Variants in KLHL1 observed in about 807,000 individuals in gnomAD.
KLHL1 encodes kelch-like protein 1.
Under a neutral mutation model 77.7 loss-of-function variants are expected in KLHL1, and 47 were observed. The observed-to-expected ratio is 0.60, with a 90% confidence interval of 0.48 to 0.77. The LOEUF (loss-of-function observed/expected upper bound fraction) is 0.77. KLHL1 is among the 30% of genes least tolerant of loss of function. The pLI is 0.00. For missense variants in KLHL1, 925 were observed against 910.8 expected, an observed-to-expected ratio of 1.02 and a Z score of -0.20; for synonymous variants, 360 against 325.2, an observed-to-expected ratio of 1.11 and a Z score of -1.15.
chr13:70,028,178 T>A (rs1489565129), intron 1 of KLHL1, among the ~76,000 whole-genome samples: 1 of 152,190 alleles, frequency 6.6e-6, no homozygotes, highest in African/African-American at 2.4e-5. Context: ...TCTCTACAAG[T>A]AAAGGATAAA....
Position 69,979,503 on chromosome 13 carries a change from A to G in KLHL1, c.498-3701T>C, listed in dbSNP as rs987472486. ...CATCACATATCCAAACTACTAATTT[A>G]AAAAGGAGACTTTAACATTTTAGCA... On this transcript the variant is annotated intron_variant, in intron 1 of 10. Transcript: ENST00000377844. Among the ~76,000 whole-genome samples, 3 of 152,146 alleles carry G rather than the reference A, an allele frequency of 2.0e-5. No homozygotes were observed. The East Asian group carries it at 5.8e-4, about 29-fold the overall frequency.
At chr13:70,003,725 T>C (rs964888096) in intron 1 of KLHL1, among the ~76,000 whole-genome samples, 2 of 151,804 alleles carry the variant, frequency 1.3e-5, no homozygotes, top group Admixed American at 6.6e-5. Context: ...CATGAAATTT[T>C]GTACTACATA....
At chr13:70,028,934 G>A (rs550866013) in intron 1 of KLHL1, among the ~76,000 whole-genome samples, 20 of 150,362 alleles carry the variant, frequency 1.3e-4, no homozygotes, top group African/African-American at 3.9e-4. Context: ...CTGTGATTGC[G>A]CCACTGCACT....
At chr13:69,897,104 A>C (rs528866435) in intron 4 of KLHL1, among the ~76,000 whole-genome samples, 1 of 152,306 alleles carries the variant, frequency 6.6e-6, no homozygotes, top group Non-Finnish European at 1.5e-5. Flanking sequence ...AGGATACCTG[A>C]TAATTTATTT....
chr13:69,863,609 A>G lies in KLHL1; in HGVS notation c.1227+18674T>C, dbSNP rs1383938952. On this transcript the variant is annotated intron_variant, in intron 5 of 10. Coordinates refer to ENST00000377844, the MANE Select transcript of KLHL1 (RefSeq NM_020866.3). Reference sequence around the variant, plus strand: ...TTTTTGCTCTCCATGATTCTTAAGAATAAATAGTCTTAATACTGTGGAAGC... The same window carrying G: ...TTTTTGCTCTCCATGATTCTTAAGAGTAAATAGTCTTAATACTGTGGAAGC... Among the ~76,000 whole-genome samples, 5 of 152,106 alleles carry G rather than the reference A, an allele frequency of 3.3e-5. No homozygotes were observed. In the South Asian group the frequency reaches 1.0e-3, roughly 31 times the overall value.
intron 1 of KLHL1, among the ~76,000 whole-genome samples, chr13:70,088,659 G>A (rs1008127566): frequency 6.7e-6 from 1 of 150,366 alleles, no homozygotes; most frequent in East Asian, 1.9e-4. Context: ...CTCCAGCCTG[G>A]GGTAACAGAG....
intron 1 of KLHL1, among the ~76,000 whole-genome samples, chr13:70,077,056 A>C (rs299524): frequency 0.71 from 108,165 of 151,700 alleles, 38,767 homozygotes; most frequent in East Asian, 0.89. Context: ...ACCTTGGAAG[A>C]ACATTTGGAA....
At position 69,837,630 on chromosome 13, in the gene KLHL1, G is replaced by GTA. The variant is rs759482336; in HGVS notation, c.1414+1344_1414+1345dup. On this transcript the variant is annotated intron_variant, in intron 6 of 10. Coordinates refer to ENST00000377844, the MANE Select transcript of KLHL1 (RefSeq NM_020866.3). ...TCTCTCTCTCTATATATATGTGTGT[G>GTA]TATATATATATATGTGTATATATAT... Among the ~76,000 whole-genome samples, 126 of 128,698 alleles carry GTA rather than the reference G, an allele frequency of 9.8e-4. 3 individuals carry two copies. The highest frequency in any genetic ancestry group is 1.8e-3 in the South Asian group (8 of 4,506). 84.4% of individuals were successfully genotyped at this position (128,698 alleles called of 152,430 possible).
At chr13:70,079,369 C>T (rs547993092) in intron 1 of KLHL1, among the ~76,000 whole-genome samples, 13 of 152,128 alleles carry the variant, frequency 8.5e-5, no homozygotes, top group Non-Finnish European at 1.8e-4. Context: ...TGTATGCCGA[C>T]GTTTGTAACC....
At chr13:70,024,622 C>A (rs201461851) in intron 1 of KLHL1, among the ~76,000 whole-genome samples, 2,137 of 38,110 alleles carry the variant, frequency 0.056, 62 homozygotes, top group African/African-American at 0.28. Context: ...GAAAAGATTT[C>A]TCTCTCTCTC....
At chr13:70,104,145 G>A (rs1208491015) in intron 1 of KLHL1, among the ~76,000 whole-genome samples, 1 of 152,084 alleles carries the variant, frequency 6.6e-6, no homozygotes, top group Non-Finnish European at 1.5e-5. Flanking sequence ...AAAATATATG[G>A]TTATCTGAAT....
chr13:69,777,789 T>G (rs570084206), intron 7 of KLHL1, among the ~76,000 whole-genome samples: 5 of 152,080 alleles, frequency 3.3e-5, no homozygotes, highest in Non-Finnish European at 7.4e-5. Flanking sequence ...AACTAACTCT[T>G]TATTTAAATT....
chr13:70,089,024 A>C (rs1052888644), intron 1 of KLHL1, among the ~76,000 whole-genome samples: 2 of 152,140 alleles, frequency 1.3e-5, no homozygotes, highest in Non-Finnish European at 2.9e-5. Context: ...CAGGGCAGTA[A>C]TCATGTGAGT....
intron 6 of KLHL1, among the ~76,000 whole-genome samples, chr13:69,832,824 T>A (rs1168966092): frequency 6.6e-6 from 1 of 152,120 alleles, no homozygotes; most frequent in African/African-American, 2.4e-5. Flanking sequence ...CCAACTGATC[T>A]TTGACAAAGG....
In KLHL1 at chr13:69,761,904, A is replaced by G. The variant is rs118192085; in HGVS notation, c.1640-21348T>C. On this transcript the variant is annotated intron_variant, in intron 7 of 10. Transcript: ENST00000377844. ...ATATATGTTGATGAGTGACTGTTCT[A>G]AATTGCTAAGATGGTTTATGATCAA... Among the ~76,000 whole-genome samples, 213 of 152,308 alleles carry G rather than the reference A, an allele frequency of 1.4e-3. 4 individuals carry two copies. In the East Asian group the frequency reaches 0.036, roughly 26 times the overall value.
In KLHL1 at chr13:69,886,797, A is replaced by T. The variant is rs9572304; in HGVS notation, c.1015-4302T>A. 8.3e-4 allele frequency among the ~76,000 whole-genome samples: 126 copies of T among 152,308 alleles called. 2 individuals carry two copies. In the East Asian group the frequency reaches 0.024, roughly 29 times the overall value. On this transcript the variant is annotated intron_variant, in intron 4 of 10. Transcript: ENST00000377844. ...TCTACTGAGTTAAGACTTATGTCTT[A>T]CCATCTTATACTCTGTGACCATTAG... is the stretch of plus-strand genomic sequence containing the variant.
At chr13:70,037,035 C>T (rs1463095569) in intron 1 of KLHL1, among the ~76,000 whole-genome samples, 1 of 151,822 alleles carries the variant, frequency 6.6e-6, no homozygotes, top group Non-Finnish European at 1.5e-5. Flanking sequence ...GGTTTATATT[C>T]TAGTCTGGTT....
intron 1 of KLHL1, among the ~76,000 whole-genome samples, chr13:70,099,572 A>T (rs911633381): frequency 3.3e-5 from 5 of 152,024 alleles, no homozygotes; most frequent in African/African-American, 1.2e-4. Context: ...TGGCCCCAAC[A>T]TATGATTCAA....
At chr13:69,997,923 A>C (rs1885198606) in intron 1 of KLHL1, among the ~76,000 whole-genome samples, 1 of 151,770 alleles carries the variant, frequency 6.6e-6, no homozygotes, top group Non-Finnish European at 1.5e-5. Flanking sequence ...ATAGGAGTGC[A>C]CGTGTCTCTT....
Sources: allele counts gnomAD v4.1 joint callset (sites outside exome capture counted in the v4.1 genomes callset), GRCh38; gene constraint gnomAD v4.1.1; transcripts MANE v1.5; gene names NCBI Gene and HGNC (gene_info 2026-07-23, HGNC 2026-07-21).